Variants in TUSC3 observed in about 807,000 individuals in gnomAD.
TUSC3 encodes the protein tumor suppressor candidate 3.
Under a neutral mutation model 44.8 loss-of-function variants are expected in TUSC3, and 45 were observed. The observed-to-expected ratio is 1.00, with a 90% CI of 0.79 to 1.29. The LOEUF is 1.29. Among genes scored for constraint, TUSC3 ranks in the 50% most tolerant of loss-of-function variants. The pLI, the probability that TUSC3 is intolerant of heterozygous loss-of-function variation, is 0.00. For missense variants in TUSC3, 519 were observed against 437.9 expected (o/e 1.19, Z -1.65); for synonymous variants, 212 against 152.9 (o/e 1.39, Z -2.85).
the TUSC3 span, among the ~76,000 whole-genome samples, chr8:15,844,189 T>C: frequency 2.6e-5 from 4 of 152,288 alleles, no homozygotes; most frequent in South Asian, 4.1e-4. Flanking sequence ...CTCTTTGTTG[T>C]AGTTTTTATT....
At chr8:15,752,248 G>T (rs1011791885) in intron 9 of TUSC3, among the ~76,000 whole-genome samples, 1 of 152,022 alleles carries the variant, frequency 6.6e-6, no homozygotes, top group Non-Finnish European at 1.5e-5. Flanking sequence ...TTCATGAGCC[G>T]AAAGTCATAA....
At chr8:15,610,335 T>A (rs1411640545) in intron 1 of TUSC3, among the ~76,000 whole-genome samples, 2 of 152,192 alleles carry the variant, frequency 1.3e-5, no homozygotes, top group East Asian at 3.9e-4. Context: ...ACATCTAACA[T>A]TAGAATTCTT....
At position 15,483,649 on chromosome 8, in the gene TUSC3, A is replaced by ATTTTTTTTTTTTTTTTTTTTTT. The variant is rs60092911; in HGVS notation, n.189+169_189+190dup. Among the ~76,000 whole-genome samples the ATTTTTTTTTTTTTTTTTTTTTT allele has an allele frequency of 2.4e-4, 16 of 66,160 alleles. 2 individuals carry two copies. The highest frequency in any genetic ancestry group is 4.9e-4 in the African/African-American group (9 of 18,218). 43.4% of individuals were successfully genotyped at this position (66,160 alleles called of 152,430 possible). On this transcript the variant is annotated intron_variant and non_coding_transcript_variant, in intron 2 of 5. Transcript: ENST00000503191. ...CCGTCGTGCCCAGCCTAGCACTGTGATTTTTTTTTTTTTTTTTTTTTTTTG... is the reference window on the plus strand; with the variant it reads ...CCGTCGTGCCCAGCCTAGCACTGTGATTTTTTTTTTTTTTTTTTTTTTTTTTTTTTTTTTTTTTTTTTTTTTG...
intron 1 of TUSC3, among the ~76,000 whole-genome samples, chr8:15,583,218 T>C (rs1803449195): frequency 6.6e-6 from 1 of 152,224 alleles, no homozygotes; most frequent in Non-Finnish European, 1.5e-5. Flanking sequence ...AGAAATCTTT[T>C]TAAAGCCATG....
chr8:15,842,765 G>A, the TUSC3 span, among the ~76,000 whole-genome samples: 1 of 152,144 alleles, frequency 6.6e-6, no homozygotes, highest in African/African-American at 2.4e-5. Context: ...CTTTGGTATT[G>A]ACAATTCTTT....
At chr8:15,669,697 A>G (rs929862097) in intron 5 of TUSC3, among the ~76,000 whole-genome samples, 2 of 151,774 alleles carry the variant, frequency 1.3e-5, no homozygotes, top group African/African-American at 4.8e-5. Context: ...ACAAAATAGA[A>G]GGGAATTTCC....
intron 1 of TUSC3, among the ~76,000 whole-genome samples, chr8:15,619,888 A>C (rs538987375): frequency 1.8e-4 from 27 of 152,154 alleles, no homozygotes; most frequent in Non-Finnish European, 3.7e-4. Context: ...CATGAGTTTT[A>C]ATTAGTAAGA....
chr8:15,851,148 G>C, the TUSC3 span, among the ~76,000 whole-genome samples: 1 of 152,156 alleles, frequency 6.6e-6, no homozygotes, highest in Non-Finnish European at 1.5e-5. Context: ...TTCATCCTCT[G>C]GCCTTCAAAA....
chr8:15,623,884 T>A (rs1385765850), intron 2 of TUSC3, among the ~76,000 whole-genome samples: 1 of 152,178 alleles, frequency 6.6e-6, no homozygotes, highest in African/African-American at 2.4e-5. Flanking sequence ...GGTACTGGCA[T>A]CGATACAGAC....
intron 1 of TUSC3, among the ~76,000 whole-genome samples, chr8:15,615,653 T>C (rs911158766): frequency 1.3e-5 from 2 of 152,156 alleles, no homozygotes; most frequent in African/African-American, 2.4e-5. Flanking sequence ...GATAAATGTT[T>C]GAGGTGATAC....
chr8:15,643,985 A>G (rs1806502704), intron 2 of TUSC3, among the ~76,000 whole-genome samples: 1 of 152,220 alleles, frequency 6.6e-6, no homozygotes, highest in Non-Finnish European at 1.5e-5. Context: ...TGGTATTTTC[A>G]TACGAATCTG....
At chr8:15,822,202 G>C in the TUSC3 span, among the ~76,000 whole-genome samples, 1 of 152,268 alleles carries the variant, frequency 6.6e-6, no homozygotes, top group East Asian at 1.9e-4. Context: ...CGGGTGAACT[G>C]TCAAAACTTT....
At chr8:15,418,524 G>C (rs1200270692) in intron 1 of TUSC3, among the ~76,000 whole-genome samples, 1 of 152,076 alleles carries the variant, frequency 6.6e-6, no homozygotes, top group African/African-American at 2.4e-5. Flanking sequence ...TTAATAGCTA[G>C]AGAGCGAAAA....
chr8:15,482,754 C>G (rs1800679197), intron 1 of TUSC3, among the ~76,000 whole-genome samples: 1 of 151,996 alleles, frequency 6.6e-6, no homozygotes, highest in Non-Finnish European at 1.5e-5. Flanking sequence ...AGAATAATAG[C>G]AAATCTGTAT....
the TUSC3 span, among the ~76,000 whole-genome samples, chr8:15,838,589 C>A: frequency 5.9e-5 from 9 of 152,218 alleles, no homozygotes; most frequent in African/African-American, 2.2e-4. Flanking sequence ...AGCCAGTTTT[C>A]GCAGCACCAT....
chr8:15,657,045 A>G (rs182793544), intron 3 of TUSC3, among the ~76,000 whole-genome samples: 105 of 152,290 alleles, frequency 6.9e-4, no homozygotes, highest in Middle Eastern at 3.4e-3. Flanking sequence ...GACGTCCCAT[A>G]GATACCCCAG....
At chr8:15,490,864 C>G (rs1304631054) in intron 2 of TUSC3, among the ~76,000 whole-genome samples, 1 of 152,112 alleles carries the variant, frequency 6.6e-6, no homozygotes, top group Non-Finnish European at 1.5e-5. Context: ...TCTAGTCATT[C>G]TTAGAAGTTT....
chr8:15,597,483 A>G (rs1475365034), intron 1 of TUSC3, among the ~76,000 whole-genome samples: 1 of 152,096 alleles, frequency 6.6e-6, no homozygotes, highest in Non-Finnish European at 1.5e-5. Context: ...GTCTTTCTTT[A>G]AATTATTGCC....
At chr8:15,731,742 G>GA (rs1237134180) in intron 7 of TUSC3, among the ~76,000 whole-genome samples, 1 of 152,066 alleles carries the variant, frequency 6.6e-6, no homozygotes, top group African/African-American at 2.4e-5. Flanking sequence ...TAATCTGGAG[G>GA]AAAAATACTA....
Sources: gnomAD v4.1 joint callset for allele counts (sites outside exome capture counted in the v4.1 genomes callset) on GRCh38, gnomAD v4.1.1 for gene constraint, MANE v1.5 for transcripts, NCBI Gene and HGNC (gene_info 2026-07-23, HGNC 2026-07-21) for gene names.